RERE: variants seen among roughly 807,000 people sequenced by gnomAD.
RERE encodes the protein arginine-glutamic acid dipeptide repeats protein.
A neutral mutation model predicts 146.1 loss-of-function variants in RERE; 40 were observed. That is an observed-to-expected ratio of 0.27 (90% confidence interval 0.21 to 0.36). The LOEUF (loss-of-function observed/expected upper bound fraction) is 0.36. Ranked by LOEUF, RERE falls within the 10% of genes least tolerant of loss-of-function variation. The probability of loss-of-function intolerance (pLI) is 1.00; values close to 1 mark genes in which losing one functional copy is unlikely to be tolerated. For synonymous variants in RERE, 1,003 were observed against 866.0 expected (o/e 1.16, Z -2.78); for missense variants, 1,933 against 2,138.7 (o/e 0.90, Z 1.90).
chr1:8,571,213 A>C (rs1295396157), intron 4 of RERE, among the ~76,000 whole-genome samples: 1 of 152,240 alleles, frequency 6.6e-6, no homozygotes, highest in African/African-American at 2.4e-5. Flanking sequence ...TCATTAAACA[A>C]AACCTTTAAG....
chr1:8,490,975 CAAT>C (rs1443443841), intron 10 of RERE, among the ~76,000 whole-genome samples: 1 of 150,584 alleles, frequency 6.6e-6, no homozygotes, highest in Non-Finnish European at 1.5e-5. Flanking sequence ...AATCTTACCT[CAAT>C]AAGTTGTTTC....
intron 2 of RERE, among the ~76,000 whole-genome samples, chr1:8,629,332 G>A (rs1324033024): frequency 1.3e-5 from 2 of 152,144 alleles, no homozygotes; most frequent in Non-Finnish European, 2.9e-5. Flanking sequence ...AACAAAATCC[G>A]TAATTTGGGC....
chr1:8,798,086 C>A (rs1205522780), intron 1 of RERE, among the ~76,000 whole-genome samples: 4 of 152,132 alleles, frequency 2.6e-5, no homozygotes, highest in African/African-American at 9.7e-5. Flanking sequence ...TAGCAAGACC[C>A]CATTTCTATA....
chr1:8,421,366 A>C (rs1643906872), intron 12 of RERE, among the ~76,000 whole-genome samples: 1 of 152,216 alleles, frequency 6.6e-6, no homozygotes, highest in Non-Finnish European at 1.5e-5. Flanking sequence ...ATTCCATATT[A>C]AATAACTCTA....
At chr1:8,782,547 T>C (rs2124562072) in intron 1 of RERE, among the ~76,000 whole-genome samples, 1 of 152,208 alleles carries the variant, frequency 6.6e-6, no homozygotes, top group South Asian at 2.1e-4. Context: ...TACACCATCT[T>C]AAAACTGTCT....
intron 4 of RERE, among the ~76,000 whole-genome samples, chr1:8,594,771 G>A (rs1247740479): frequency 6.6e-6 from 1 of 152,026 alleles, no homozygotes; most frequent in Admixed American, 6.6e-5. Context: ...AATCAGATGC[G>A]CTCTGAACCA....
chr1:8,675,495 C>CAAAAAAA (rs56912804), intron 1 of RERE, among the ~76,000 whole-genome samples: 50 of 90,168 alleles, frequency 5.5e-4, no homozygotes, highest in East Asian at 9.6e-4. Context: ...CCCATCTCTA[C>CAAAAAAA]AAAAAAAAAA....
chr1:8,369,508 T>TTAAAAAAAAAAAAAAAA (rs1285019668), intron 12 of RERE, among the ~76,000 whole-genome samples: 1 of 76,890 alleles, frequency 1.3e-5, no homozygotes. Context: ...CGCCTTTTAC[T>TTAAAAAAAAAAAAAAAA]AAAAAAAAAA....
chr1:8,582,428 T>G (rs7517686), intron 4 of RERE, among the ~76,000 whole-genome samples: 39,172 of 149,034 alleles, frequency 0.26, 5,759 homozygotes, highest in East Asian at 0.75. Flanking sequence ...TTTTTTTTTT[T>G]GGGGGGTAGA....
At chr1:8,422,227 C>T (rs1643920169) in intron 12 of RERE, among the ~76,000 whole-genome samples, 2 of 152,158 alleles carry the variant, frequency 1.3e-5, no homozygotes, top group African/African-American at 2.4e-5. Flanking sequence ...AAAGTGCAAA[C>T]TCTCAGGGAT....
chr1:8,475,353 G>GA (rs1391045506), intron 10 of RERE, among the ~76,000 whole-genome samples: 1 of 147,256 alleles, frequency 6.8e-6, no homozygotes, highest in African/African-American at 2.5e-5. Flanking sequence ...CAGCCTGGGT[G>GA]ACAGAGCGAG....
intron 4 of RERE, among the ~76,000 whole-genome samples, chr1:8,571,602 GTCTTA>G (rs1646221774): frequency 6.6e-6 from 1 of 152,202 alleles, no homozygotes; most frequent in Admixed American, 6.5e-5. Context: ...AAATCAGTCT[GTCTTA>G]TCTTAAATAT....
chr1:8,477,308 A>G (rs1341894137), intron 10 of RERE, among the ~76,000 whole-genome samples: 1 of 152,196 alleles, frequency 6.6e-6, no homozygotes, highest in African/African-American at 2.4e-5. Flanking sequence ...AGGACCCACA[A>G]TGAGTCTAAC....
intron 12 of RERE, among the ~76,000 whole-genome samples, chr1:8,394,570 T>C (rs554198547): frequency 6.6e-6 from 1 of 152,290 alleles, no homozygotes; most frequent in East Asian, 1.9e-4. Flanking sequence ...TTTCCAGTAA[T>C]TTAACTTAAG....
At chr1:8,596,095 T>G (rs1646552541) in intron 4 of RERE, among the ~76,000 whole-genome samples, 1 of 152,246 alleles carries the variant, frequency 6.6e-6, no homozygotes, top group African/African-American at 2.4e-5. Flanking sequence ...ACAGTCATGC[T>G]CATTTGTTTA....
At chr1:8,397,297 A>C (rs1643088600) in intron 12 of RERE, among the ~76,000 whole-genome samples, 1 of 149,396 alleles carries the variant, frequency 6.7e-6, no homozygotes, top group African/African-American at 2.6e-5. Context: ...TCAAGTGCTT[A>C]GAACAGTGCC....
chr1:8,543,659 G>C (rs938039532), intron 6 of RERE, among the ~76,000 whole-genome samples: 3 of 152,218 alleles, frequency 2.0e-5, no homozygotes, highest in African/African-American at 7.2e-5. Flanking sequence ...GTCAGAGGCT[G>C]TCCTGTACAT....
intron 12 of RERE, among the ~76,000 whole-genome samples, chr1:8,405,840 T>C (rs573166949): frequency 6.6e-6 from 1 of 152,248 alleles, no homozygotes; most frequent in East Asian, 1.9e-4. Flanking sequence ...TTTCACCATG[T>C]TGGCCAGGAT....
At chr1:8,802,824 T>TA (rs943702114) in intron 1 of RERE, among the ~76,000 whole-genome samples, 159 of 151,144 alleles carry the variant, frequency 1.1e-3, no homozygotes, top group African/African-American at 2.7e-3. Context: ...ATCTAAAAGT[T>TA]AAAAAAAAAC....
Sources: gnomAD v4.1 joint callset for allele counts (sites outside exome capture counted in the v4.1 genomes callset) on GRCh38, gnomAD v4.1.1 for gene constraint, MANE v1.5 for transcripts, NCBI Gene and HGNC (gene_info 2026-07-23, HGNC 2026-07-21) for gene names.